Variants in NOCT observed in about 807,000 individuals in gnomAD.
NOCT encodes the protein nocturnin.
A neutral mutation model predicts 35.0 loss-of-function variants in NOCT; 18 were observed. The observed-to-expected ratio is 0.51, with a 90% CI of 0.36 to 0.76. The LOEUF is 0.76. Ranked by LOEUF, NOCT falls within the 30% of genes least tolerant of loss-of-function variation. The probability of loss-of-function intolerance (pLI) is 0.01; values close to 1 mark genes in which losing one functional copy is unlikely to be tolerated. For synonymous variants in NOCT, 235 were observed against 226.3 expected, an observed-to-expected ratio of 1.04 and a Z score of -0.34; for missense variants, 479 against 541.0, an observed-to-expected ratio of 0.89 and a Z score of 1.14.
chr4:139,016,485 T>C (rs930283441), intron 1 of NOCT, among the ~76,000 whole-genome samples: 4 of 152,084 alleles, frequency 2.6e-5, no homozygotes, highest in African/African-American at 9.7e-5. Flanking sequence ...GGCCGCGAGT[T>C]ACTATGTTGG....
intron 1 of NOCT, among the ~76,000 whole-genome samples, chr4:139,024,804 G>C (rs1726482507): frequency 1.3e-5 from 2 of 152,086 alleles, no homozygotes; most frequent in African/African-American, 4.8e-5. Flanking sequence ...GGTTTTCCCC[G>C]TGTTGGCCAG....
At chr4:139,024,762 A>G (rs563479586) in intron 1 of NOCT, among the ~76,000 whole-genome samples, 1 of 152,194 alleles carries the variant, frequency 6.6e-6, no homozygotes, top group South Asian at 2.1e-4. Flanking sequence ...TGGCCCAGTA[A>G]TACAACAGTT....
intron 1 of NOCT, among the ~76,000 whole-genome samples, chr4:139,041,472 T>G (rs1484648827): frequency 6.6e-6 from 1 of 152,220 alleles, no homozygotes; most frequent in Non-Finnish European, 1.5e-5. Flanking sequence ...TTACTCCCAG[T>G]AAAATGTGCC....
chr4:139,038,002 G>A (rs1023981073), intron 1 of NOCT, among the ~76,000 whole-genome samples: 3 of 151,936 alleles, frequency 2.0e-5, no homozygotes, highest in African/African-American at 7.3e-5. Context: ...AGGTGTTTGT[G>A]ACCAGCCTGG....
chr4:139,044,047 A>T (rs1314460988), intron 2 of NOCT, among the ~76,000 whole-genome samples: 8 of 149,854 alleles, frequency 5.3e-5, no homozygotes, highest in African/African-American at 2.0e-4. Flanking sequence ...GGGTCTGCCA[A>T]ATTAAAAAAC....
Position 139,016,132 on chromosome 4 carries a change from T to C in NOCT, c.151T>C (p.Ser51Pro). 3 of 1,286,464 alleles carry C rather than the reference T, an allele frequency of 2.3e-6. No individual in the cohort carries two copies. The highest frequency in any genetic ancestry group is 2.9e-6 in the Non-Finnish European group (3 of 1,019,692). 79.7% of individuals were successfully genotyped at this position (1,286,464 alleles called of 1,614,324 possible). A position where few individuals can be genotyped will look rare whatever the true frequency, so the allele number is the denominator to read the frequency against. ...PASPRLLAAA[S>P]AASGAARSCS... ...ATCCCCCCGGCTGCTGGCGGCGGCC[T>C]CGGCGGCCTCGGGCGCCGCGAGGTC... is the stretch of plus-strand genomic sequence containing the variant. Residue 51 changes from serine (S) to proline (P), a missense_variant, in exon 1 of 3, where the codon TCG becomes CCG. By Grantham distance (74) the Ser-to-Pro change is moderately conservative. Transcript: ENST00000280614.
intron 1 of NOCT, among the ~76,000 whole-genome samples, chr4:139,019,467 A>G (rs1186157765): frequency 6.6e-6 from 1 of 152,222 alleles, no homozygotes; most frequent in East Asian, 1.9e-4. Flanking sequence ...GACAAAAAGA[A>G]TAACTCCAGA....
In NOCT at chr4:139,015,838, T is replaced by C; in HGVS notation, c.-144T>C. The C allele has an allele frequency of 1.7e-6, 1 of 593,568 alleles. No homozygotes were observed. The highest frequency in any genetic ancestry group is 2.4e-6 in the Non-Finnish European group (1 of 414,770). The allele number at this position is 593,568 out of a possible 1,614,324, so 36.8% of individuals were successfully genotyped here. A position where few individuals can be genotyped will look rare whatever the true frequency, so the allele number is the denominator to read the frequency against. On this transcript the variant is annotated 5_prime_UTR_variant, in exon 1 of 3. Transcript: ENST00000280614. ...CTCTCCGGCTCTGCTGCCCGGGATT[T>C]CCCCAGAACCTGCGCCGCGCGAGAA...
chr4:139,043,975 A>AAAAT (rs1726885762), intron 2 of NOCT: 1 of 98,006 alleles, frequency 1.0e-5, no homozygotes, highest in Non-Finnish European at 2.1e-5. Context: ...GTCTCAAAAA[A>AAAAT]ATATGTATAT....
chr4:139,018,332 A>G (rs1726351774), intron 1 of NOCT, among the ~76,000 whole-genome samples: 1 of 152,220 alleles, frequency 6.6e-6, no homozygotes, highest in Non-Finnish European at 1.5e-5. Context: ...TAGCTTGTGT[A>G]AAACATAGAT....
intron 1 of NOCT, among the ~76,000 whole-genome samples, chr4:139,040,644 A>G (rs1367830450): frequency 1.3e-5 from 2 of 152,196 alleles, no homozygotes; most frequent in Non-Finnish European, 2.9e-5. Context: ...AATGTCATCA[A>G]AAGGAATGTA....
In NOCT at chr4:139,045,375, G is replaced by A; in HGVS notation, c.1197G>A (p.Gln399=). 2 of 1,614,108 alleles carry A rather than the reference G, an allele frequency of 1.2e-6. No homozygotes were observed. Among genetic ancestry groups the A allele is most frequent in the Non-Finnish European group, 1.7e-6 (2 of 1,179,994 alleles). The stretch of plus-strand genomic sequence containing the variant: ...CTCTCGATCTGCTCACTGAAGAACA[G>A]ATTGGACCCAACAGGTTACCTTCCT... The part of the protein sequence containing the change: ...RSALDLLTEE[Q]IGPNRLPSFN... Residue 399 remains glutamine, a synonymous_variant, in exon 3 of 3, where the codon CAG becomes CAA. Transcript: ENST00000280614.
intron 1 of NOCT, among the ~76,000 whole-genome samples, chr4:139,039,390 A>G (rs957991447): frequency 6.6e-6 from 1 of 151,214 alleles, no homozygotes; most frequent in African/African-American, 2.4e-5. Context: ...TTACTAGACC[A>G]CTTGGTGTTG....
intron 1 of NOCT, among the ~76,000 whole-genome samples, chr4:139,033,985 A>G (rs1368801363): frequency 1.3e-5 from 2 of 152,048 alleles, no homozygotes; most frequent in African/African-American, 2.4e-5. Context: ...CAGCCTCCCA[A>G]CATGCTAGGA....
intron 1 of NOCT, among the ~76,000 whole-genome samples, chr4:139,039,837 C>G (rs985710767): frequency 6.6e-6 from 1 of 151,986 alleles, no homozygotes; most frequent in Non-Finnish European, 1.5e-5. Flanking sequence ...AAGCGATTCT[C>G]CTGCCTCACC....
At chr4:139,034,945 C>G (rs78963542) in intron 1 of NOCT, among the ~76,000 whole-genome samples, 1,600 of 152,284 alleles carry the variant, frequency 0.011, 25 homozygotes, top group African/African-American at 0.035. Flanking sequence ...TCCTTTCTCT[C>G]TAACTCAATT....
At position 139,043,345 on chromosome 4, in the gene NOCT, T is replaced by TA. The variant is rs1375730573; in HGVS notation, c.460+3dup. The stretch of plus-strand genomic sequence containing the variant: ...TGCAATGGAACATCCTCGCCCAAGG[T>TA]ATGCTGGATGCTTTTGTGCCTCTGC... On this transcript the variant is annotated splice_region_variant and intron_variant, in intron 2 of 2. Coordinates refer to ENST00000280614, the MANE Select transcript of NOCT (RefSeq NM_012118.4). The TA allele has an allele frequency of 6.2e-7, 1 of 1,611,592 alleles. No individual in the cohort carries two copies. Among genetic ancestry groups the TA allele is most frequent in the African/African-American group, 1.3e-5 (1 of 74,846 alleles).
chr4:139,016,357 C>G (rs1211284078), intron 1 of NOCT, among the ~76,000 whole-genome samples, 186 bp downstream of exon 1: 1 of 152,122 alleles, frequency 6.6e-6, no homozygotes, highest in African/African-American at 2.4e-5. Flanking sequence ...CCCGACTTGC[C>G]TGGGGCTTGC....
intron 1 of NOCT, among the ~76,000 whole-genome samples, chr4:139,032,957 T>C (rs532000279): frequency 1.3e-5 from 2 of 152,154 alleles, no homozygotes; most frequent in Non-Finnish European, 2.9e-5. Flanking sequence ...CCCAGCTACT[T>C]GGGAGGCTGA....
Sources: gnomAD v4.1 joint callset for allele counts (sites outside exome capture counted in the v4.1 genomes callset) on GRCh38, gnomAD v4.1.1 for gene constraint, MANE v1.5 for transcripts, NCBI Gene and HGNC (gene_info 2026-07-23, HGNC 2026-07-21) for gene names.